Variants in LSAMP observed in about 807,000 individuals in gnomAD.
LSAMP encodes the protein limbic system-associated membrane protein.
A neutral mutation model predicts 38.6 loss-of-function variants in LSAMP; 7 were observed. The ratio of observed to expected loss-of-function variants is 0.18; its 90% confidence interval spans 0.10 to 0.34. The LOEUF (loss-of-function observed/expected upper bound fraction) is 0.34, where lower values mean the gene tolerates loss of function less well. Ranked by LOEUF, LSAMP falls within the 10% of genes least tolerant of loss-of-function variation. The pLI is 1.00. For missense variants in LSAMP, 313 were observed against 420.0 expected, an observed-to-expected ratio of 0.75 and a Z score of 2.23; for synonymous variants, 154 against 166.8, an observed-to-expected ratio of 0.92 and a Z score of 0.59.
chr3:116,087,006 C>T (rs890013560), intron 1 of LSAMP, among the ~76,000 whole-genome samples: 34 of 152,270 alleles, frequency 2.2e-4, no homozygotes, highest in African/African-American at 7.9e-4. Flanking sequence ...TATACTCCAC[C>T]ATTATAGGAA....
At chr3:116,423,831 T>C (rs1269809118) in intron 1 of LSAMP, among the ~76,000 whole-genome samples, 1 of 152,066 alleles carries the variant, frequency 6.6e-6, no homozygotes, top group Non-Finnish European at 1.5e-5. Context: ...TTAAATGCAG[T>C]AGTAAGTGAA....
At chr3:115,908,057 G>T (rs983481837) in intron 3 of LSAMP, among the ~76,000 whole-genome samples, 1 of 151,712 alleles carries the variant, frequency 6.6e-6, no homozygotes, top group Non-Finnish European at 1.5e-5. Context: ...TGAAATCCTG[G>T]TGTTTGACCA....
chr3:115,832,343 C>A (rs1934638355), intron 6 of LSAMP, among the ~76,000 whole-genome samples: 1 of 152,094 alleles, frequency 6.6e-6, no homozygotes, highest in Admixed American at 6.6e-5. Context: ...TTTACGTCAA[C>A]CAATCTCTAA....
chr3:115,939,585 T>TTTCTCTTTCTTTC (rs58450242), intron 3 of LSAMP, among the ~76,000 whole-genome samples: 3 of 150,198 alleles, frequency 2.0e-5, no homozygotes, highest in African/African-American at 2.5e-5. Flanking sequence ...TCTTTCTTTC[T>TTTCTCTTTCTTTC]GTTAAGAGAC....
chr3:115,945,989 A>G (rs935328583), intron 3 of LSAMP, among the ~76,000 whole-genome samples: 2 of 152,218 alleles, frequency 1.3e-5, no homozygotes, highest in African/African-American at 2.4e-5. Context: ...ACTCTTAAAT[A>G]GAGCATCCCT....
At chr3:115,949,988 G>A (rs533282921) in intron 3 of LSAMP, among the ~76,000 whole-genome samples, 3 of 152,082 alleles carry the variant, frequency 2.0e-5, no homozygotes, top group South Asian at 2.1e-4. Flanking sequence ...AACAAAAACC[G>A]TATGATCATC....
intron 2 of LSAMP, among the ~76,000 whole-genome samples, chr3:116,067,271 C>G (rs1707480408): frequency 6.6e-6 from 1 of 152,022 alleles, no homozygotes; most frequent in African/African-American, 2.4e-5. Flanking sequence ...ATAGATGACT[C>G]AAAAATATTA....
At chr3:116,313,361 A>T (rs1269935036) in intron 1 of LSAMP, among the ~76,000 whole-genome samples, 3 of 152,206 alleles carry the variant, frequency 2.0e-5, no homozygotes, top group Non-Finnish European at 4.4e-5. Flanking sequence ...ATACAGAGTG[A>T]CTGGAGGCGG....
chr3:115,969,046 C>T (rs572041736), intron 3 of LSAMP, among the ~76,000 whole-genome samples: 20 of 152,320 alleles, frequency 1.3e-4, no homozygotes, highest in Admixed American at 1.2e-3. Flanking sequence ...GATTCTCTGA[C>T]CCACACAACC....
intron 3 of LSAMP, among the ~76,000 whole-genome samples, chr3:116,009,056 T>C (rs1335751928): frequency 6.6e-6 from 1 of 152,222 alleles, no homozygotes; most frequent in Non-Finnish European, 1.5e-5. Flanking sequence ...AAAACTATTA[T>C]TATTTTCATT....
chr3:116,388,376 T>G (rs1405756031), intron 1 of LSAMP, among the ~76,000 whole-genome samples: 3 of 152,164 alleles, frequency 2.0e-5, no homozygotes, highest in African/African-American at 7.2e-5. Flanking sequence ...TTCTTGCCAT[T>G]TTACAGCTCT....
chr3:116,321,185 G>C (rs1010323564), intron 1 of LSAMP, among the ~76,000 whole-genome samples: 1 of 152,138 alleles, frequency 6.6e-6, no homozygotes, highest in East Asian at 1.9e-4. Flanking sequence ...CCTGGGCAAC[G>C]TGGTAAAACC....
intron 2 of LSAMP, among the ~76,000 whole-genome samples, chr3:116,032,046 C>A (rs1940939335): frequency 6.6e-6 from 1 of 152,050 alleles, no homozygotes; most frequent in Admixed American, 6.6e-5. Context: ...GTCATTCATG[C>A]AGGGTTTGGG....
At chr3:116,063,858 A>G (rs1412853616) in intron 2 of LSAMP, among the ~76,000 whole-genome samples, 1 of 152,238 alleles carries the variant, frequency 6.6e-6, no homozygotes, top group Non-Finnish European at 1.5e-5. Context: ...ACCCTATCAA[A>G]TCTATTATGT....
intron 1 of LSAMP, among the ~76,000 whole-genome samples, chr3:116,205,283 C>G (rs975691447): frequency 3.4e-4 from 50 of 145,636 alleles, no homozygotes; most frequent in Admixed American, 2.2e-3. Flanking sequence ...AGTTGCTTAT[C>G]AGCTTAAGGA....
intron 1 of LSAMP, among the ~76,000 whole-genome samples, chr3:116,172,390 T>C (rs1394616059): frequency 6.6e-6 from 1 of 151,908 alleles, no homozygotes; most frequent in Admixed American, 6.6e-5. Context: ...TAAGTTCTTT[T>C]ACCGTAATTG....
chr3:116,413,681 C>T (rs767725714), intron 1 of LSAMP, among the ~76,000 whole-genome samples: 84 of 152,180 alleles, frequency 5.5e-4, no homozygotes, highest in Admixed American at 1.2e-3. Flanking sequence ...AGAAAGGCCA[C>T]TCTGCATCAA....
At chr3:116,028,789 T>A (rs1488768772) in intron 2 of LSAMP, among the ~76,000 whole-genome samples, 1 of 152,144 alleles carries the variant, frequency 6.6e-6, no homozygotes, top group Non-Finnish European at 1.5e-5. Flanking sequence ...GCAGACTCCA[T>A]GATTGCCAAA....
intron 3 of LSAMP, among the ~76,000 whole-genome samples, chr3:115,949,219 A>C (rs1272282121): frequency 2.0e-5 from 3 of 152,164 alleles, no homozygotes; most frequent in Non-Finnish European, 4.4e-5. Flanking sequence ...AGATTGGGCC[A>C]CTGCACTGCA....
Sources: allele counts gnomAD v4.1 joint callset (sites outside exome capture counted in the v4.1 genomes callset), GRCh38; gene constraint gnomAD v4.1.1; transcripts MANE v1.5; gene names NCBI Gene and HGNC (gene_info 2026-07-23, HGNC 2026-07-21).